Variants in INVS observed in about 807,000 individuals in gnomAD.
INVS encodes inversion of embryo turning homolog.
Under a neutral mutation model 108.8 loss-of-function variants are expected in INVS, and 86 were observed. The ratio of observed to expected loss-of-function variants is 0.79; its 90% CI spans 0.66 to 0.95. The LOEUF is 0.95. Ranked by LOEUF, INVS falls within the 40% of genes least tolerant of loss-of-function variation. The probability of loss-of-function intolerance (pLI) is 0.00; values close to 1 mark genes in which losing one functional copy is unlikely to be tolerated. For synonymous variants in INVS, 455 were observed against 473.5 expected, an observed-to-expected ratio of 0.96 and a Z score of 0.51; for missense variants, 1,169 against 1,297.4, an observed-to-expected ratio of 0.90 and a Z score of 1.52.
rs11792503 is a variant in INVS at position 100,202,086 on chromosome 9, A to G, written c.274-23976A>G. Among the ~76,000 whole-genome samples, 1,324 of 135,850 alleles carry G rather than the reference A, an allele frequency of 9.7e-3. 11 individuals carry two copies. Among genetic ancestry groups the G allele is most frequent in the Admixed American group, 0.013 (172 of 13,734 alleles). The allele number at this position is 135,850 out of a possible 152,430, so 89.1% of individuals were successfully genotyped here. ...GACTGGGTGTTGAAAAGCAGTTATT[A>G]CAATAGTTTTTTTTTTTTTATTTTG... is the stretch of plus-strand genomic sequence containing the variant. On this transcript the variant is annotated intron_variant, in intron 3 of 16. Transcript: ENST00000262457.
At chr9:100,252,578 G>C (rs765852178) in intron 9 of INVS, 140 bp downstream of exon 9, 103 of 858,464 alleles carry the variant, frequency 1.2e-4, no homozygotes, top group Admixed American at 2.6e-4. Context: ...ATGGCATGAG[G>C]AACCTCAAGT....
At chr9:100,195,447 G>A (rs1309276776) in intron 3 of INVS, among the ~76,000 whole-genome samples, 2 of 152,034 alleles carry the variant, frequency 1.3e-5, no homozygotes, top group African/African-American at 4.8e-5. Flanking sequence ...CTCTCGAGTA[G>A]CTGGGACTAC....
intron 8 of INVS, among the ~76,000 whole-genome samples, chr9:100,248,219 T>C (rs1340464076): frequency 6.6e-6 from 1 of 152,254 alleles, no homozygotes; most frequent in Admixed American, 6.5e-5. Context: ...CCATTATATA[T>C]TCTTCCACTT....
chr9:100,225,062 G>C (rs1409408311), intron 3 of INVS, among the ~76,000 whole-genome samples: 1 of 140,670 alleles, frequency 7.1e-6, no homozygotes, highest in Non-Finnish European at 1.6e-5. Flanking sequence ...TGGTTTTTTT[G>C]TTTTTTTTTT....
intron 5 of INVS, 70 bp downstream of exon 5, chr9:100,229,897 C>CTTTTGTATATATT: frequency 2.1e-6 from 3 of 1,438,518 alleles, no homozygotes; most frequent in Non-Finnish European, 2.9e-6. Context: ...TTAATATATA[C>CTTTTGTATATATT]AAAAGTGTAT....
At chr9:100,188,438 TG>T (rs1358901431) in intron 3 of INVS, among the ~76,000 whole-genome samples, 6 of 152,262 alleles carry the variant, frequency 3.9e-5, no homozygotes, top group African/African-American at 1.4e-4. Context: ...TTGAGATGAT[TG>T]TATGTTTTTT....
intron 3 of INVS, among the ~76,000 whole-genome samples, chr9:100,132,370 T>A (rs1307873462): frequency 2.0e-5 from 3 of 152,212 alleles, no homozygotes; most frequent in African/African-American, 7.2e-5. Flanking sequence ...ATCCACTCCC[T>A]GCCCTTACAA....
Position 100,284,582 on chromosome 9 carries a change from A to G in INVS, c.2047A>G (p.Thr683Ala). ...EQHVSSDLQG[T>A]NSRRPNETAR... is the part of the protein sequence containing the mutation. ...GCATGTTTCCTCAGATTTGCAGGGA[A>G]CAAACTCCAGAAGGCCAAATGGTAG... Residue 683 changes from threonine to alanine, a missense_variant, in exon 13 of 17, where the codon ACA becomes GCA. Around this residue, in one of 3 missense-constraint regions of INVS, gnomAD observed 533 missense variants for 536.0 expected, o/e 0.99. Coordinates refer to ENST00000262457, the MANE Select transcript of INVS (RefSeq NM_014425.5). The G allele has an allele frequency of 6.2e-7, 1 of 1,613,620 alleles. No individual in the cohort carries two copies. Among genetic ancestry groups the G allele is most frequent in the Non-Finnish European group, 8.5e-7 (1 of 1,179,726 alleles).
intron 13 of INVS, among the ~76,000 whole-genome samples, chr9:100,287,869 G>C (rs944885916): frequency 1.1e-4 from 16 of 152,092 alleles, no homozygotes; most frequent in Non-Finnish European, 2.4e-4. Context: ...ATCTCATCCT[G>C]ATTATCTCAT....
At chr9:100,141,295 T>C (rs1423243082) in intron 3 of INVS, among the ~76,000 whole-genome samples, 11 of 152,156 alleles carry the variant, frequency 7.2e-5, no homozygotes, top group Non-Finnish European at 1.3e-4. Context: ...GAAGGGAAAG[T>C]GGTAAAAGTA....
At position 100,252,390 on chromosome 9, in the gene INVS, C is replaced by T. The variant is rs773049314; in HGVS notation, c.1186C>T (p.Arg396Ter). 12 of 1,613,746 alleles carry T rather than the reference C, an allele frequency of 7.4e-6. No individual in the cohort carries two copies. Among genetic ancestry groups the T allele is most frequent in the Admixed American group, 1.7e-5 (1 of 59,988 alleles). Residue 396 changes from arginine (R) to a stop codon, truncating the protein, a stop_gained, in exon 9 of 17, where the codon CGA becomes TGA. Coordinates refer to ENST00000262457, the MANE Select transcript of INVS (RefSeq NM_014425.5). LOFTEE classifies it high-confidence loss of function. ...TGTTATGAAACATACTCCACTTTTC[C>T]GAGCCTGTGAGATGGGACACAAAGA... ...TDVMKHTPLF[R>*]ACEMGHKDVI...
At chr9:100,248,019 T>C (rs1467923010) in intron 8 of INVS, among the ~76,000 whole-genome samples, 2 of 152,074 alleles carry the variant, frequency 1.3e-5, no homozygotes, top group African/African-American at 2.4e-5. Context: ...GGTTTCACCA[T>C]GTTGCCCAGG....
chr9:100,294,731 T>C (rs1236617242), intron 14 of INVS, among the ~76,000 whole-genome samples: 1 of 152,098 alleles, frequency 6.6e-6, no homozygotes, highest in Non-Finnish European at 1.5e-5. Context: ...TGCCTGAAAA[T>C]AGGCTGGAGA....
At chr9:100,269,113 T>C (rs968646269) in intron 11 of INVS, among the ~76,000 whole-genome samples, 1 of 152,236 alleles carries the variant, frequency 6.6e-6, no homozygotes, top group African/African-American at 2.4e-5. Context: ...AATTGATATA[T>C]GTGTTGTGGA....
At chr9:100,187,924 T>G (rs1376062578) in intron 3 of INVS, among the ~76,000 whole-genome samples, 8 of 152,156 alleles carry the variant, frequency 5.3e-5, no homozygotes, top group Admixed American at 1.3e-4. Context: ...TTGGTGGTGG[T>G]GTTGTTTTGC....
chr9:100,296,896 C>T (rs1833806379), intron 14 of INVS, 21 bp from the exon 15 acceptor site: 4 of 1,597,376 alleles, frequency 2.5e-6, no homozygotes, highest in African/African-American at 1.3e-5. Flanking sequence ...TAAAGCCTCT[C>T]CTCTCCTCTG....
intron 13 of INVS, among the ~76,000 whole-genome samples, chr9:100,290,102 G>A (rs896066901): frequency 6.6e-6 from 1 of 150,896 alleles, no homozygotes; most frequent in Non-Finnish European, 1.5e-5. Flanking sequence ...TTTTTGGCCC[G>A]GTGGGGTGGG....
intron 13 of INVS, among the ~76,000 whole-genome samples, chr9:100,285,714 C>T (rs953995575): frequency 6.6e-6 from 1 of 152,196 alleles, no homozygotes; most frequent in African/African-American, 2.4e-5. Context: ...ACCAGTCAGA[C>T]AATCTTTTGT....
At chr9:100,198,957 T>A (rs1830463737) in intron 3 of INVS, among the ~76,000 whole-genome samples, 1 of 152,212 alleles carries the variant, frequency 6.6e-6, no homozygotes, top group Non-Finnish European at 1.5e-5. Context: ...TGATTAGATT[T>A]GTGTTGTCCA....
Sources: allele counts gnomAD v4.1 joint callset (sites outside exome capture counted in the v4.1 genomes callset), GRCh38; gene constraint gnomAD v4.1.1; regional missense constraint gnomAD v4.1.1; transcripts MANE v1.5; gene names NCBI Gene and HGNC (gene_info 2026-07-23, HGNC 2026-07-21).